Variants in SLC5A4 observed in about 807,000 individuals in gnomAD.
SLC5A4 encodes the protein solute carrier family 5 member 4, also known as probable glucose sensor protein SLC5A4.
In SLC5A4, 55 loss-of-function variants were observed where a neutral mutation model predicts 70.3. The ratio of observed to expected loss-of-function variants is 0.78; its 90% CI spans 0.63 to 0.98. The LOEUF (loss-of-function observed/expected upper bound fraction) is 0.98, where lower values mean the gene tolerates loss of function less well. Among genes scored for constraint, SLC5A4 ranks in the 50% least tolerant of loss-of-function variants. The probability of loss-of-function intolerance (pLI) is 0.00; values close to 1 mark genes in which losing one functional copy is unlikely to be tolerated. For missense variants in SLC5A4, 735 were observed against 839.2 expected (o/e 0.88, Z 1.53); for synonymous variants, 268 against 305.7 (o/e 0.88, Z 1.29).
At chr22:32,308,423 G>C in the SLC5A4 span, among the ~76,000 whole-genome samples, 21 of 152,176 alleles carry the variant, frequency 1.4e-4, no homozygotes, top group Non-Finnish European at 2.5e-4. Flanking sequence ...GGCGCCACCA[G>C]GCTGGAATCC....
the SLC5A4 span, chr22:32,270,172 G>A: frequency 1.5e-6 from 1 of 650,608 alleles, no homozygotes; most frequent in Admixed American, 2.0e-5. Flanking sequence ...GCCCAGTCGG[G>A]CACACAGCTG....
chr22:32,236,583 T>C (rs1926071304), intron 7 of SLC5A4, among the ~76,000 whole-genome samples: 1 of 152,206 alleles, frequency 6.6e-6, no homozygotes, highest in South Asian at 2.1e-4. Flanking sequence ...TCATAAAAAT[T>C]CTATGTAAAT....
the SLC5A4 span, among the ~76,000 whole-genome samples, chr22:32,323,215 C>T: frequency 5.9e-5 from 9 of 152,296 alleles, no homozygotes; most frequent in Admixed American, 1.3e-4. Context: ...ATTGAGAAGA[C>T]ACAGAAGCAA....
At chr22:32,312,363 GCGCACA>G in the SLC5A4 span, among the ~76,000 whole-genome samples, 2 of 84,546 alleles carry the variant, frequency 2.4e-5, no homozygotes, top group Admixed American at 1.1e-4. Context: ...ACACGCGCGC[GCGCACA>G]CACACACACA....
At chr22:32,350,017 A>T in the SLC5A4 span, among the ~76,000 whole-genome samples, 35 of 152,244 alleles carry the variant, frequency 2.3e-4, no homozygotes, top group African/African-American at 7.9e-4. Flanking sequence ...AAGCAAGGCA[A>T]AACAAAGCAG....
At chr22:32,285,830 G>A in the SLC5A4 span, among the ~76,000 whole-genome samples, 2 of 151,838 alleles carry the variant, frequency 1.3e-5, no homozygotes, top group African/African-American at 2.4e-5. Context: ...TCCGCCTCCC[G>A]GGTTCACGCC....
At chr22:32,285,019 G>T in the SLC5A4 span, 1 of 152,142 alleles carries the variant, frequency 6.6e-6, no homozygotes, top group South Asian at 2.1e-4. Flanking sequence ...AAAGCATTTT[G>T]TGAGAATCAG....
chr22:32,247,507 G>T lies in SLC5A4; in HGVS notation c.381C>A (p.Thr127=). 1 of 1,610,642 alleles carries T rather than the reference G, an allele frequency of 6.2e-7. No homozygotes were observed. Among genetic ancestry groups the T allele is most frequent in the Non-Finnish European group, 8.5e-7 (1 of 1,176,830 alleles). The change falls in exon 5 of 15, where the codon ACC becomes ACA. Residue 127 remains threonine (T), a synonymous_variant. Coordinates refer to ENST00000266086, the MANE Select transcript of SLC5A4 (RefSeq NM_014227.3). ...ACCGCTTCTTGAGATATTCCGGCAT[G>T]GTCATCACCTGCAGAGACAGACATT... ...VPIYIKSGVM[T]MPEYLKKRFG...
At chr22:32,261,132 C>A in the SLC5A4 span, among the ~76,000 whole-genome samples, 2 of 152,038 alleles carry the variant, frequency 1.3e-5, no homozygotes, top group Non-Finnish European at 2.9e-5. Flanking sequence ...CTTCTCTTCA[C>A]CCCTTTAGCG....
chr22:32,274,058 G>A, the SLC5A4 span, among the ~76,000 whole-genome samples: 2 of 73,054 alleles, frequency 2.7e-5, no homozygotes, highest in South Asian at 8.6e-4. Flanking sequence ...TTTTTTTTTT[G>A]AGACAGAGTC....
chr22:32,305,804 A>C, the SLC5A4 span, among the ~76,000 whole-genome samples: 2 of 151,244 alleles, frequency 1.3e-5, no homozygotes, highest in South Asian at 2.1e-4. Context: ...GGGCCACTGA[A>C]GGCATGCCGT....
chr22:32,279,890 T>C, the SLC5A4 span, among the ~76,000 whole-genome samples: 1 of 144,738 alleles, frequency 6.9e-6, no homozygotes, highest in African/African-American at 2.5e-5. Context: ...CTAGAGTCGG[T>C]GGGGGTGGGG....
intron 14 of SLC5A4, among the ~76,000 whole-genome samples, chr22:32,220,238 T>G (rs1924999114): frequency 6.6e-6 from 1 of 152,130 alleles, no homozygotes; most frequent in Admixed American, 6.5e-5. Context: ...GATAGGCCAG[T>G]CATACTCAGG....
chr22:32,224,241 G>T (rs1925262688), intron 13 of SLC5A4, 26 bp downstream of exon 13: 10 of 1,532,024 alleles, frequency 6.5e-6, no homozygotes, highest in African/African-American at 1.4e-5. Flanking sequence ...TTTAAAATTA[G>T]CATGTATTCA....
In SLC5A4 at chr22:32,220,761, T is replaced by C. The variant is rs1239803404; in HGVS notation, c.1768+159A>G. ...GGCAGATGAATAGATGGATTTAATA[T>C]GTTGTCTTGGTTTTTGGAAAGGTAA... On this transcript the variant is annotated intron_variant, in intron 14 of 14. Coordinates refer to ENST00000266086, the MANE Select transcript of SLC5A4 (RefSeq NM_014227.3). Among the ~76,000 whole-genome samples, 3 of 152,236 alleles carry C rather than the reference T, an allele frequency of 2.0e-5. No individual in the cohort carries two copies. In the South Asian group the frequency reaches 6.2e-4, roughly 32 times the overall value.
At chr22:32,294,505 T>G in the SLC5A4 span, among the ~76,000 whole-genome samples, 2 of 152,068 alleles carry the variant, frequency 1.3e-5, no homozygotes, top group Non-Finnish European at 2.9e-5. Context: ...TACAGGGCAT[T>G]TCCATCACAA....
the SLC5A4 span, among the ~76,000 whole-genome samples, chr22:32,323,551 T>C: frequency 6.6e-6 from 1 of 152,322 alleles, no homozygotes; most frequent in South Asian, 2.1e-4. Context: ...ATTCAGTCTC[T>C]GGCCTTGGAG....
At chr22:32,280,160 C>G in the SLC5A4 span, among the ~76,000 whole-genome samples, 1 of 152,146 alleles carries the variant, frequency 6.6e-6, no homozygotes, top group African/African-American at 2.4e-5. Context: ...GGATTACAGG[C>G]ATGCATCACC....
the SLC5A4 span, among the ~76,000 whole-genome samples, chr22:32,330,986 G>GTTT: frequency 0.13 from 187 of 1,392 alleles, 4 homozygotes; most frequent in Admixed American, 0.17. Flanking sequence ...TGTGTGTGTT[G>GTTT]GGGGCTCTGG....
Sources: gnomAD v4.1 joint callset for allele counts (sites outside exome capture counted in the v4.1 genomes callset) on GRCh38, gnomAD v4.1.1 for gene constraint, MANE v1.5 for transcripts, NCBI Gene and HGNC (gene_info 2026-07-23, HGNC 2026-07-21) for gene names.